Variants in TNRC6A observed in about 807,000 individuals in gnomAD.
TNRC6A encodes trinucleotide repeat-containing gene 6A protein.
In TNRC6A, 44 loss-of-function variants were observed where a neutral mutation model predicts 221.2. The ratio of observed to expected loss-of-function variants is 0.20; its 90% CI spans 0.16 to 0.26. The LOEUF is 0.26. TNRC6A is among the 10% of genes least tolerant of loss of function. The pLI is 1.00. For synonymous variants in TNRC6A, 847 were observed against 838.5 expected, an observed-to-expected ratio of 1.01 and a Z score of -0.18; for missense variants, 2,199 against 2,404.4, an observed-to-expected ratio of 0.91 and a Z score of 1.79.
chr16:24,759,838 G>A (rs1014030580), intron 4 of TNRC6A, among the ~76,000 whole-genome samples: 5 of 152,142 alleles, frequency 3.3e-5, no homozygotes, highest in East Asian at 1.9e-4. Flanking sequence ...AGTTGAAGGC[G>A]CATTTGTGGC....
rs575222660 is a variant in TNRC6A at position 24,769,864 on chromosome 16, A to G, written c.164-7069A>G. ...GTTCTATCTTGTTTTGCATAGATCCAGTCACTTTGTGTATGCTTGGCAATT... is the reference window on the plus strand; with the variant it reads ...GTTCTATCTTGTTTTGCATAGATCCGGTCACTTTGTGTATGCTTGGCAATT... On this transcript the variant is annotated intron_variant, in intron 4 of 24. Transcript: ENST00000395799. Among the ~76,000 whole-genome samples, 33 of 152,324 alleles carry G rather than the reference A, an allele frequency of 2.2e-4. No individual in the cohort carries two copies. The South Asian group carries it at 6.8e-3, about 32-fold the overall frequency.
intron 2 of TNRC6A, among the ~76,000 whole-genome samples, chr16:24,696,529 G>C (rs1431504633): frequency 6.6e-6 from 1 of 151,000 alleles, no homozygotes; most frequent in African/African-American, 2.4e-5. Context: ...CCAGGAGTTT[G>C]AGACCAGACT....
chr16:24,625,507 T>C (rs981567432), intron 1 of TNRC6A, among the ~76,000 whole-genome samples: 1 of 151,658 alleles, frequency 6.6e-6, no homozygotes, highest in Non-Finnish European at 1.5e-5. Flanking sequence ...GGGTGGATCA[T>C]GAGGTCAGGA....
chr16:24,700,253 T>TGGG (rs368721504), intron 2 of TNRC6A, among the ~76,000 whole-genome samples: 3 of 151,278 alleles, frequency 2.0e-5, no homozygotes, highest in African/African-American at 4.8e-5. Flanking sequence ...TTTTTTTTTT[T>TGGG]GAGACAGAGT....
At position 24,780,926 on chromosome 16, in the gene TNRC6A, A is replaced by C. The variant is rs61650762; in HGVS notation, c.589+3568A>C. Among the ~76,000 whole-genome samples the C allele has an allele frequency of 2.4e-3, 367 of 150,606 alleles. 2 individuals carry two copies. The highest frequency in any genetic ancestry group is 8.7e-3 in the African/African-American group (354 of 40,740). On this transcript the variant is annotated intron_variant, in intron 5 of 24. Coordinates refer to ENST00000395799, the MANE Select transcript of TNRC6A (RefSeq NM_014494.4). Reference sequence around the variant, plus strand: ...TTGCATTGGGCTTTTAGCACGGTGTACCTCCTTGCTGTCTTGCAACTTCTA... The same window carrying C: ...TTGCATTGGGCTTTTAGCACGGTGTCCCTCCTTGCTGTCTTGCAACTTCTA...
intron 5 of TNRC6A, among the ~76,000 whole-genome samples, chr16:24,786,298 TTTTTG>T (rs1381864387): frequency 9.1e-6 from 1 of 109,812 alleles, no homozygotes; most frequent in Admixed American, 9.1e-5. Context: ...TTTTTGTTTT[TTTTTG>T]TTGTTGTTGT....
chr16:24,729,943 G>GCAGAGGC, intron 1 of TNRC6A, 97 bp downstream of exon 1: 29 of 1,076,144 alleles, frequency 2.7e-5, no homozygotes, highest in Non-Finnish European at 3.1e-5. Flanking sequence ...CGGCGGCGCC[G>GCAGAGGC]GGCGTCCCCG....
chr16:24,729,868 C>G (rs1285766923), intron 1 of TNRC6A, 22 bp downstream of exon 1: 2 of 1,282,380 alleles, frequency 1.6e-6, no homozygotes, highest in Non-Finnish European at 2.0e-6. Flanking sequence ...AAGGGCCTCC[C>G]TCCGGGCGGG....
chr16:24,634,271 T>A (rs1322065554), intron 1 of TNRC6A, among the ~76,000 whole-genome samples: 3 of 151,822 alleles, frequency 2.0e-5, no homozygotes, highest in African/African-American at 7.3e-5. Flanking sequence ...TACAAAAAAA[T>A]ACAAAACAGA....
intron 2 of TNRC6A, among the ~76,000 whole-genome samples, chr16:24,734,027 T>C (rs146056689): frequency 1.3e-5 from 2 of 152,236 alleles, no homozygotes; most frequent in Middle Eastern, 3.4e-3. Flanking sequence ...TTTAAAAAAT[T>C]AGCTGGGTGT....
intron 2 of TNRC6A, chr16:24,661,793 A>G (rs2055040352): frequency 6.6e-6 from 1 of 152,202 alleles, no homozygotes; most frequent in African/African-American, 2.4e-5. Context: ...GGTGCAATTA[A>G]CTCATTAATG....
Position 24,806,839 on chromosome 16 carries a change from C to T in TNRC6A, c.4540+55C>T, listed in dbSNP as rs933825198. On this transcript the variant is annotated intron_variant, in intron 17 of 24. Coordinates refer to ENST00000395799, the MANE Select transcript of TNRC6A (RefSeq NM_014494.4). ...CTGATGCTTAGGTATCACAGGCGTG[C>T]CTCCTTCACACGTACCCTTACAGCT... 9 of 1,520,832 alleles carry T rather than the reference C, an allele frequency of 5.9e-6. No homozygotes were observed. In the Admixed American group the frequency reaches 1.5e-4, roughly 26 times the overall value. 94.2% of individuals were successfully genotyped at this position (1,520,832 alleles called of 1,614,324 possible). A position where few individuals can be genotyped will look rare whatever the true frequency, so the allele number is the denominator to read the frequency against.
intron 2 of TNRC6A, among the ~76,000 whole-genome samples, chr16:24,740,182 T>C (rs901596036): frequency 1.2e-4 from 19 of 152,228 alleles, no homozygotes; most frequent in Non-Finnish European, 4.4e-5. Context: ...TACTTCAGCT[T>C]TGTTGTAATA....
chr16:24,694,373 T>C lies in TNRC6A; in HGVS notation n.402+53364T>C, dbSNP rs1006950216. On this transcript the variant is annotated intron_variant and non_coding_transcript_variant, in intron 2 of 2. Coordinates refer to the TNRC6A transcript ENST00000566108. ...GATCCAAGTATAAGACTAGTGAGCC[T>C]TGCTGGGCGCGGTGGCTCACGCTTG... Among the ~76,000 whole-genome samples the C allele has an allele frequency of 2.0e-5, 3 of 151,886 alleles. No homozygotes were observed. The South Asian group carries it at 6.2e-4, about 32-fold the overall frequency.
intron 3 of TNRC6A, among the ~76,000 whole-genome samples, chr16:24,754,067 G>A (rs932419968): frequency 4.6e-5 from 7 of 152,020 alleles, no homozygotes; most frequent in African/African-American, 1.7e-4. Flanking sequence ...ATAATATATT[G>A]TGATAATTTT....
At chr16:24,642,927 C>G (rs1181917187) in intron 2 of TNRC6A, among the ~76,000 whole-genome samples, 1 of 150,050 alleles carries the variant, frequency 6.7e-6, no homozygotes, top group Non-Finnish European at 1.5e-5. Flanking sequence ...GTCTGTAATC[C>G]CAGCTACTTG....
chr16:24,701,397 G>A (rs986613324), intron 2 of TNRC6A, among the ~76,000 whole-genome samples: 5 of 147,306 alleles, frequency 3.4e-5, no homozygotes, highest in African/African-American at 5.0e-5. Context: ...ACGGAGTCTC[G>A]CTCTGTCGCC....
At chr16:24,788,694 G>A (rs1297791274) in intron 5 of TNRC6A, among the ~76,000 whole-genome samples, 1 of 148,228 alleles carries the variant, frequency 6.7e-6, no homozygotes, top group Non-Finnish European at 1.5e-5. Flanking sequence ...TGTCACCCAG[G>A]CTGGAGTGCA....
intron 2 of TNRC6A, among the ~76,000 whole-genome samples, chr16:24,685,100 T>C (rs758460854): frequency 6.6e-6 from 1 of 152,090 alleles, no homozygotes; most frequent in Non-Finnish European, 1.5e-5. Context: ...TCTCTCTCTC[T>C]CTCTGAACTG....
Sources: allele counts gnomAD v4.1 joint callset (sites outside exome capture counted in the v4.1 genomes callset), GRCh38; gene constraint gnomAD v4.1.1; transcripts MANE v1.5; gene names NCBI Gene and HGNC (gene_info 2026-07-23, HGNC 2026-07-21).